Variants in LOC122539214 observed in about 807,000 individuals in gnomAD.
the LOC122539214 span, among the ~76,000 whole-genome samples, chr19:52,678,023 A>G: frequency 1.4e-5 from 2 of 143,170 alleles, no homozygotes; most frequent in East Asian, 3.9e-4. Context: ...TGACAGAGTG[A>G]GACTGTCTCA....
At chr19:52,672,575 T>C in the LOC122539214 span, among the ~76,000 whole-genome samples, 1 of 152,168 alleles carries the variant, frequency 6.6e-6, no homozygotes, top group South Asian at 2.1e-4. Context: ...TAGCACCTCA[T>C]CTTTATGTTT....
chr19:52,662,051 T>TCCTG, the LOC122539214 span, among the ~76,000 whole-genome samples: 11,604 of 151,874 alleles, frequency 0.076, 1,119 homozygotes, highest in East Asian at 0.4. Context: ...ATCAGGGAGG[T>TCCTG]CCTGGGAGCA....
At chr19:52,675,672 A>T in the LOC122539214 span, among the ~76,000 whole-genome samples, 1 of 152,168 alleles carries the variant, frequency 6.6e-6, no homozygotes, top group Non-Finnish European at 1.5e-5. Context: ...TTGCATCCAG[A>T]TCAATGTACC....
the LOC122539214 span, among the ~76,000 whole-genome samples, chr19:52,668,532 T>A: frequency 8.5e-5 from 13 of 152,140 alleles, no homozygotes; most frequent in African/African-American, 3.1e-4. Flanking sequence ...TAGGGTGTGC[T>A]TTTTTCTCCC....
chr19:52,671,538 T>G, the LOC122539214 span, among the ~76,000 whole-genome samples: 1 of 151,908 alleles, frequency 6.6e-6, no homozygotes, highest in Non-Finnish European at 1.5e-5. Context: ...CAACCTCTGG[T>G]GCTCAAGCAA....
chr19:52,688,454 A>G, the LOC122539214 span, among the ~76,000 whole-genome samples: 20 of 151,838 alleles, frequency 1.3e-4, no homozygotes, highest in African/African-American at 4.6e-4. Flanking sequence ...GATTACAGGC[A>G]TGAACCACTG....
At chr19:52,664,746 C>T in the LOC122539214 span, among the ~76,000 whole-genome samples, 2 of 135,358 alleles carry the variant, frequency 1.5e-5, no homozygotes. Context: ...GGACAAGGGG[C>T]CTGGTGTGGG....
the LOC122539214 span, among the ~76,000 whole-genome samples, chr19:52,688,950 GAAAAAA>G: frequency 4.6e-3 from 582 of 126,792 alleles, 3 homozygotes; most frequent in East Asian, 0.013. Context: ...AAGGTTGAAG[GAAAAAA>G]AAAAAAAAAA....
the LOC122539214 span, among the ~76,000 whole-genome samples, chr19:52,682,098 A>G: frequency 6.6e-6 from 1 of 152,102 alleles, no homozygotes; most frequent in Non-Finnish European, 1.5e-5. Flanking sequence ...CACCCTCTTC[A>G]GCCTCCCAAA....
the LOC122539214 span, among the ~76,000 whole-genome samples, chr19:52,671,907 C>T: frequency 2.7e-3 from 408 of 152,126 alleles, 3 homozygotes; most frequent in Non-Finnish European, 4.0e-3. Context: ...CAAGTTATTC[C>T]GTTTTACTTG....
chr19:52,683,226 CTCTGTGTG>C, the LOC122539214 span, among the ~76,000 whole-genome samples: 2,337 of 135,726 alleles, frequency 0.017, 53 homozygotes, highest in African/African-American at 0.048. Flanking sequence ...TGCCCTGTGA[CTCTGTGTG>C]TGTGTGTGTG....
the LOC122539214 span, chr19:52,654,356 T>TACC: frequency 7.7e-7 from 1 of 1,302,354 alleles, no homozygotes; most frequent in Non-Finnish European, 1.1e-6. Context: ...TCTCCTGTAT[T>TACC]ACCGTGCCCT....
the LOC122539214 span, among the ~76,000 whole-genome samples, chr19:52,687,054 G>T: frequency 6.6e-6 from 1 of 151,456 alleles, no homozygotes; most frequent in Non-Finnish European, 1.5e-5. Flanking sequence ...GGTGGCGCAT[G>T]CCTGTAATCC....
the LOC122539214 span, chr19:52,651,476 C>T: frequency 6.6e-6 from 1 of 152,118 alleles, no homozygotes; most frequent in Non-Finnish European, 1.5e-5. Context: ...TCAGGGAAAG[C>T]TGTAGAACAA....
chr19:52,664,978 GAAA>G, the LOC122539214 span, among the ~76,000 whole-genome samples: 8 of 152,080 alleles, frequency 5.3e-5, no homozygotes, highest in Admixed American at 4.6e-4. Flanking sequence ...CCTTACTATT[GAAA>G]TTAATTTTAG....
chr19:52,686,997 C>G, the LOC122539214 span, among the ~76,000 whole-genome samples: 6 of 151,856 alleles, frequency 4.0e-5, no homozygotes, highest in Non-Finnish European at 8.8e-5. Flanking sequence ...GCCTCTCTAA[C>G]ATGGAGAAAC....
the LOC122539214 span, among the ~76,000 whole-genome samples, chr19:52,663,114 G>A: frequency 3.9e-5 from 6 of 151,992 alleles, no homozygotes; most frequent in East Asian, 3.9e-4. Context: ...AGTGAGCCAA[G>A]ATCGTATCAC....
the LOC122539214 span, among the ~76,000 whole-genome samples, chr19:52,668,038 G>A: frequency 1.5e-4 from 23 of 152,248 alleles, no homozygotes; most frequent in African/African-American, 5.1e-4. Flanking sequence ...ATGTCCCCAC[G>A]TTTAAAACAA....
the LOC122539214 span, among the ~76,000 whole-genome samples, chr19:52,674,805 A>G: frequency 6.6e-6 from 1 of 152,258 alleles, no homozygotes; most frequent in South Asian, 2.1e-4. Context: ...GGAAAACTTA[A>G]TCTCGTTAAA....
Sources: allele counts gnomAD v4.1 joint callset (sites outside exome capture counted in the v4.1 genomes callset), GRCh38; gene constraint gnomAD v4.1.1; transcripts MANE v1.5.